Variants in SHTN1 observed in about 807,000 individuals in gnomAD.
SHTN1 encodes shootin-1.
A neutral mutation model predicts 83.1 loss-of-function variants in SHTN1; 42 were observed. The observed-to-expected ratio is 0.51, with a 90% CI of 0.39 to 0.65. SHTN1 has a LOEUF of 0.65. SHTN1 is among the 30% of genes least tolerant of loss of function. The pLI is 0.00. For missense variants in SHTN1, 622 were observed against 737.8 expected, an observed-to-expected ratio of 0.84 and a Z score of 1.82; for synonymous variants, 224 against 247.7, an observed-to-expected ratio of 0.90 and a Z score of 0.90.
At chr10:117,034,903 C>G (rs1453910043) in intron 2 of SHTN1, among the ~76,000 whole-genome samples, 1 of 151,892 alleles carries the variant, frequency 6.6e-6, no homozygotes, top group Non-Finnish European at 1.5e-5. Context: ...TCCATACTAC[C>G]CAAAGCAATC....
Position 116,941,858 on chromosome 10 carries a change from T to C in SHTN1, c.712-1246A>G, listed in dbSNP as rs144070688. ...CTAACATTTTCTTCCCAGTATGTCTTCCTATGAAAGGGAAAAAAAGGTCAG... is the reference window on the plus strand; with the variant it reads ...CTAACATTTTCTTCCCAGTATGTCTCCCTATGAAAGGGAAAAAAAGGTCAG... On this transcript the variant is annotated intron_variant, in intron 8 of 16. Transcript: ENST00000355371. 5.3e-3 allele frequency among the ~76,000 whole-genome samples: 802 copies of C among 152,326 alleles called. 10 individuals carry two copies. Among genetic ancestry groups the C allele is most frequent in the African/African-American group, 0.018 (764 of 41,580 alleles).
intron 2 of SHTN1, among the ~76,000 whole-genome samples, chr10:117,031,709 C>G (rs1428627457): frequency 6.6e-6 from 1 of 152,078 alleles, no homozygotes; most frequent in Non-Finnish European, 1.5e-5. Flanking sequence ...ATAGTATTTG[C>G]AAGCCTCATG....
intron 4 of SHTN1, among the ~76,000 whole-genome samples, chr10:116,958,111 C>T (rs1850049381): frequency 6.6e-6 from 1 of 152,076 alleles, no homozygotes; most frequent in Non-Finnish European, 1.5e-5. Flanking sequence ...CAGAATTAAA[C>T]ATTCCATTTG....
chr10:116,928,992 T>A (rs1848850710), intron 10 of SHTN1, among the ~76,000 whole-genome samples: 1 of 152,172 alleles, frequency 6.6e-6, no homozygotes, highest in African/African-American at 2.4e-5. Flanking sequence ...TACTCTGATA[T>A]TCACTAAAAA....
chr10:116,966,093 G>A (rs1850383929), intron 3 of SHTN1, among the ~76,000 whole-genome samples: 1 of 152,014 alleles, frequency 6.6e-6, no homozygotes. Flanking sequence ...TGCAACCTCC[G>A]CCTCCCTGGT....
chr10:117,093,202 A>G (rs544053531), intron 1 of SHTN1, among the ~76,000 whole-genome samples: 14 of 152,330 alleles, frequency 9.2e-5, no homozygotes, highest in Non-Finnish European at 1.5e-4. Context: ...GTTAGGTAGC[A>G]TGCCCAGATA....
intron 2 of SHTN1, among the ~76,000 whole-genome samples, chr10:116,977,664 G>C (rs1000745830): frequency 1.4e-5 from 2 of 140,534 alleles, no homozygotes; most frequent in African/African-American, 5.0e-5. Context: ...TTCTTACTCT[G>C]TGTGTGTGTG....
chr10:116,979,386 C>A, intron 1 of SHTN1, 78 bp from the exon 2 acceptor site: 2 of 1,122,980 alleles, frequency 1.8e-6, no homozygotes, highest in Non-Finnish European at 1.3e-6. Flanking sequence ...CCAACTAACC[C>A]CCATAGTCTT....
At chr10:117,040,178 A>ACC (rs1446175739) in intron 2 of SHTN1, among the ~76,000 whole-genome samples, 1 of 152,160 alleles carries the variant, frequency 6.6e-6, no homozygotes, top group East Asian at 1.9e-4. Context: ...GATACTGAAA[A>ACC]CCTGATTTGA....
At chr10:116,995,359 C>T (rs564415642) in intron 1 of SHTN1, among the ~76,000 whole-genome samples, 165 of 152,186 alleles carry the variant, frequency 1.1e-3, no homozygotes, top group Admixed American at 3.4e-3. Flanking sequence ...TTGCTAACAT[C>T]GAGCAAAATT....
intron 1 of SHTN1, among the ~76,000 whole-genome samples, chr10:116,981,790 G>A (rs1851028303): frequency 6.6e-6 from 1 of 152,168 alleles, no homozygotes; most frequent in Admixed American, 6.5e-5. Context: ...CGGGTGCGGT[G>A]GCTCACATTT....
chr10:117,069,295 A>G (rs1287064375), intron 1 of SHTN1, among the ~76,000 whole-genome samples: 1 of 152,170 alleles, frequency 6.6e-6, no homozygotes, highest in Non-Finnish European at 1.5e-5. Flanking sequence ...TCCGCCCAAT[A>G]TAGTAGTGGG....
At chr10:116,899,582 T>C in intron 16 of SHTN1, among the ~76,000 whole-genome samples, 1 of 151,560 alleles carries the variant, frequency 6.6e-6, no homozygotes, top group Non-Finnish European at 1.5e-5. Flanking sequence ...GGGACAGTAA[T>C]GTCTGTATTT....
At chr10:117,033,543 T>A (rs770200903) in intron 2 of SHTN1, among the ~76,000 whole-genome samples, 2 of 151,962 alleles carry the variant, frequency 1.3e-5, no homozygotes, top group Admixed American at 1.3e-4. Flanking sequence ...TAATAAAAGG[T>A]CTCCCAGTAA....
At chr10:117,068,645 T>C (rs1026261193) in intron 1 of SHTN1, among the ~76,000 whole-genome samples, 5 of 152,174 alleles carry the variant, frequency 3.3e-5, no homozygotes, top group African/African-American at 4.8e-5. Flanking sequence ...AATTTCTTGT[T>C]TGAATCTGGA....
chr10:116,982,889 G>C (rs1213512554), intron 1 of SHTN1, among the ~76,000 whole-genome samples: 1 of 151,996 alleles, frequency 6.6e-6, no homozygotes, highest in Admixed American at 6.6e-5. Context: ...CTTGAACCCA[G>C]GAGGCGGAGG....
intron 1 of SHTN1, among the ~76,000 whole-genome samples, chr10:117,078,220 A>G (rs1657503): frequency 0.98 from 149,662 of 152,302 alleles, 73,581 homozygotes; most frequent in East Asian, 1. Context: ...AAGGTGAAAC[A>G]TGGCTCTACC....
chr10:117,063,356 C>T (rs1309650732), intron 1 of SHTN1, among the ~76,000 whole-genome samples: 2 of 152,152 alleles, frequency 1.3e-5, no homozygotes, highest in African/African-American at 2.4e-5. Flanking sequence ...GCACCAGGCC[C>T]TCTGCTCCAC....
At chr10:117,103,747 A>G (rs1475119834) in intron 1 of SHTN1, among the ~76,000 whole-genome samples, 1 of 151,986 alleles carries the variant, frequency 6.6e-6, no homozygotes. Context: ...TGTGTTAGCC[A>G]GGATGGTCTC....
Sources: gnomAD v4.1 joint callset for allele counts (sites outside exome capture counted in the v4.1 genomes callset) on GRCh38, gnomAD v4.1.1 for gene constraint, MANE v1.5 for transcripts, NCBI Gene and HGNC (gene_info 2026-07-23, HGNC 2026-07-21) for gene names.